The following SEC23B variants were observed in gnomAD, a reference collection of about 807,000 sequenced individuals.
The protein encoded by SEC23B is protein transport protein Sec23B.
SEC23B carries 77 observed loss-of-function variants against 104.3 expected under a neutral mutation model. The ratio of observed to expected loss-of-function variants is 0.74; its 90% CI spans 0.61 to 0.89. The LOEUF (loss-of-function observed/expected upper bound fraction) is 0.89. SEC23B is among the 40% of genes least tolerant of loss of function. The pLI is 0.00. For synonymous variants in SEC23B, 338 were observed against 332.5 expected, an observed-to-expected ratio of 1.02 and a Z score of -0.18; for missense variants, 885 against 949.4, an observed-to-expected ratio of 0.93 and a Z score of 0.89.
rs550791180 is a variant in SEC23B at position 18,526,953 on chromosome 20, C to T, written c.993+422C>T. Among the ~76,000 whole-genome samples the T allele has an allele frequency of 9.9e-5, 15 of 152,274 alleles. No individual in the cohort carries two copies. The South Asian group carries it at 1.7e-3, about 17-fold the overall frequency. On this transcript the variant is annotated intron_variant, in intron 8 of 19. Transcript: ENST00000650089. ...AATTTAAGCCAGGAGTGGTGACTCA[C>T]GCCTGTAGTCCCAGCACTTTGGGAT...
At chr20:18,554,491 T>C (rs2060417553) in intron 18 of SEC23B, 101 bp downstream of exon 18, 5 of 1,424,518 alleles carry the variant, frequency 3.5e-6, no homozygotes, top group African/African-American at 2.8e-5. Context: ...TGTGATGACA[T>C]AAATTGACAC....
At chr20:18,517,023 G>A (rs1001930668) in intron 4 of SEC23B, among the ~76,000 whole-genome samples, 1 of 152,142 alleles carries the variant, frequency 6.6e-6, no homozygotes, top group Non-Finnish European at 1.5e-5. Context: ...TTGAACATGA[G>A]CATGCTCAAA....
At chr20:18,537,195 A>G in intron 12 of SEC23B, among the ~76,000 whole-genome samples, 1 of 151,036 alleles carries the variant, frequency 6.6e-6, no homozygotes, top group African/African-American at 2.4e-5. Context: ...TTCCTCAGGG[A>G]TCTAGAACTA....
intron 19 of SEC23B, among the ~76,000 whole-genome samples, chr20:18,559,407 A>T (rs2060472302): frequency 6.6e-6 from 1 of 151,706 alleles, no homozygotes; most frequent in Non-Finnish European, 1.5e-5. Context: ...GGGTAGGAAA[A>T]TTTTTTTACT....
At chr20:18,525,170 C>T in intron 6 of SEC23B, 150 bp downstream of exon 6, 1 of 855,512 alleles carries the variant, frequency 1.2e-6, no homozygotes, top group Non-Finnish European at 1.9e-6. Flanking sequence ...AGTGTTTTGT[C>T]AAAAAGGTTT....
chr20:18,521,457 A>T (rs1327285985), intron 4 of SEC23B, among the ~76,000 whole-genome samples: 1 of 152,184 alleles, frequency 6.6e-6, no homozygotes, highest in Non-Finnish European at 1.5e-5. Context: ...AAAAGAGCCT[A>T]AATGCTAACT....
intron 14 of SEC23B, among the ~76,000 whole-genome samples, chr20:18,544,946 T>C (rs1320889803): frequency 6.6e-6 from 1 of 152,144 alleles, no homozygotes; most frequent in Non-Finnish European, 1.5e-5. Flanking sequence ...TGAGTGGTGT[T>C]GAGGTAGAAG....
intron 7 of SEC23B, 27 bp downstream of exon 7, chr20:18,525,959 C>G: frequency 6.2e-7 from 1 of 1,609,416 alleles, no homozygotes; most frequent in East Asian, 2.2e-5. Flanking sequence ...CAGGACCTCT[C>G]AAATCATACA....
chr20:18,546,511 TTTGGAAGCCA>T (rs2060333663), intron 15 of SEC23B, among the ~76,000 whole-genome samples: 2 of 152,282 alleles, frequency 1.3e-5, no homozygotes, highest in South Asian at 4.1e-4. Flanking sequence ...GAACCAAGCC[TTTGGAAGCCA>T]TTGGACAAGA....
chr20:18,512,268 T>C lies in SEC23B; in HGVS notation c.265T>C (p.Phe89Leu), dbSNP rs746364899. Reference sequence around the variant, plus strand: ...AAAACTTTGGGCCTGTAATTTCTGTTTTCAAAGAAATCAGGTATGTGAATT... The same window carrying C: ...AAAACTTTGGGCCTGTAATTTCTGTCTTCAAAGAAATCAGGTATGTGAATT... ...RAKLWACNFCFQRNQFPPAYG... is the reference protein window; with the variant it reads ...RAKLWACNFCLQRNQFPPAYG... Residue 89 changes from phenylalanine to leucine, a missense_variant, in exon 3 of 20, where the codon TTT becomes CTT. Phe to Leu is a conservative substitution (Grantham distance 22, BLOSUM62 0). Coordinates refer to ENST00000650089, the MANE Select transcript of SEC23B (RefSeq NM_006363.6). 6.3e-7 allele frequency: 1 copy of C among 1,584,932 alleles called. No homozygotes were observed. Among genetic ancestry groups the C allele is most frequent in the Non-Finnish European group, 8.6e-7 (1 of 1,156,228 alleles).
At chr20:18,556,833 C>T (rs1254353808) in intron 19 of SEC23B, among the ~76,000 whole-genome samples, 1 of 152,110 alleles carries the variant, frequency 6.6e-6, no homozygotes, top group African/African-American at 2.4e-5. Flanking sequence ...CCCGTCTCTA[C>T]CAAAAATACA....
intron 12 of SEC23B, among the ~76,000 whole-genome samples, chr20:18,539,140 T>C (rs571383781): frequency 6.7e-6 from 1 of 149,466 alleles, no homozygotes; most frequent in African/African-American, 2.5e-5. Flanking sequence ...TTAAACCAAG[T>C]GATGGAGGTT....
intron 4 of SEC23B, among the ~76,000 whole-genome samples, chr20:18,520,273 A>T (rs1339523866): frequency 3.9e-5 from 6 of 152,322 alleles, no homozygotes; most frequent in African/African-American, 1.2e-4. Context: ...ATAGGCTTTA[A>T]AAGGCCATGC....
intron 2 of SEC23B, 137 bp from the exon 3 acceptor site, chr20:18,512,088 T>C (rs113379930): frequency 3.3e-6 from 2 of 597,018 alleles, no homozygotes; most frequent in Non-Finnish European, 6.0e-6. Context: ...CTCATACTTA[T>C]GCATACACAT....
At position 18,532,615 on chromosome 20, in the gene SEC23B, G is replaced by C. The variant is rs760214836; in HGVS notation, c.1234-49G>C. The C allele has an allele frequency of 3.0e-5, 38 of 1,278,390 alleles. 1 individual carries two copies. In the Admixed American group the frequency reaches 6.4e-4, roughly 21 times the overall value. The allele number at this position is 1,278,390 out of a possible 1,614,324, so 79.2% of individuals were successfully genotyped here. On this transcript the variant is annotated intron_variant, in intron 10 of 19. Transcript: ENST00000650089. The stretch of plus-strand genomic sequence containing the variant: ...TTCATTGTGGCCATGATGACAGCAG[G>C]GTGGATTGAAGTGATCTTTAACTTT...
chr20:18,545,915 TTG>T (rs756159502), intron 14 of SEC23B, 39 bp from the exon 15 acceptor site: 1 of 1,137,914 alleles, frequency 8.8e-7, no homozygotes. Flanking sequence ...CTCTCTCTTT[TTG>T]TGTGTGTTTG....
Position 18,525,781 on chromosome 20 carries a change from C to G in SEC23B, c.690-7C>G. 9 of 1,614,174 alleles carry G rather than the reference C, an allele frequency of 5.6e-6. No individual in the cohort carries two copies. Among genetic ancestry groups the G allele is most frequent in the Non-Finnish European group, 7.6e-6 (9 of 1,180,014 alleles). On this transcript the variant is annotated splice_polypyrimidine_tract_variant and splice_region_variant and intron_variant, in intron 6 of 19. Transcript: ENST00000650089. ...TCTGGGTTGATGTGTCTGTTAAAATCTTGCAGATTTCTGCAGCCTGTTCAC... is the reference window on the plus strand; with the variant it reads ...TCTGGGTTGATGTGTCTGTTAAAATGTTGCAGATTTCTGCAGCCTGTTCAC...
At position 18,510,852 on chromosome 20, in the gene SEC23B, A is replaced by T. The variant is rs369908885; in HGVS notation, c.17A>T (p.Glu6Val). The change falls in exon 2 of 20, where the codon GAG becomes GTG. Residue 6 changes from glutamate (E) to valine (V), a missense_variant. By Grantham distance (121) the Glu-to-Val change is moderately radical. Transcript: ENST00000650089. MATYL[E>V]FIQQNEERDG... The stretch of plus-strand genomic sequence containing the variant: ...TTTTAGACTATGGCGACATACCTGG[A>T]GTTCATCCAGCAGAATGAAGAACGG... 1.4e-5 allele frequency: 23 copies of T among 1,613,794 alleles called. No individual in the cohort carries two copies. The African/African-American group carries it at 3.1e-4, about 22-fold the overall frequency.
At chr20:18,537,623 T>C (rs1455628236) in intron 12 of SEC23B, among the ~76,000 whole-genome samples, 1 of 152,078 alleles carries the variant, frequency 6.6e-6, no homozygotes, top group Admixed American at 6.6e-5. Context: ...CATTAGGAGA[T>C]ATAACTAATG....
Sources: gnomAD v4.1 joint callset for allele counts (sites outside exome capture counted in the v4.1 genomes callset) on GRCh38, gnomAD v4.1.1 for gene constraint, MANE v1.5 for transcripts, NCBI Gene and HGNC (gene_info 2026-07-23, HGNC 2026-07-21) for gene names.